The following FAM13A variants were observed in gnomAD, a reference collection of about 807,000 sequenced individuals.
FAM13A encodes family with sequence similarity 13 member A.
A neutral mutation model predicts 129.6 loss-of-function variants in FAM13A; 76 were observed. The observed-to-expected ratio is 0.59, with a 90% CI of 0.49 to 0.71. The LOEUF (loss-of-function observed/expected upper bound fraction) is 0.71, where lower values mean the gene tolerates loss of function less well. FAM13A is among the 30% of genes least tolerant of loss of function. FAM13A has a pLI of 0.00. For missense variants in FAM13A, 1,108 were observed against 1,249.3 expected (o/e 0.89, Z 1.70); for synonymous variants, 443 against 449.9 (o/e 0.98, Z 0.20).
At chr4:89,049,998 T>A (rs745348151) in intron 1 of FAM13A, among the ~76,000 whole-genome samples, 4 of 152,196 alleles carry the variant, frequency 2.6e-5, no homozygotes, top group Admixed American at 1.3e-4. Context: ...TAAGATACGA[T>A]CTTTTCTGTC....
intron 6 of FAM13A, among the ~76,000 whole-genome samples, chr4:88,852,276 C>T (rs1187452945): frequency 3.3e-5 from 5 of 151,996 alleles, no homozygotes; most frequent in African/African-American, 1.2e-4. Flanking sequence ...ATTCTCCTTC[C>T]TCAGCCTCCT....
chr4:88,809,792 G>C (rs1729289692), intron 7 of FAM13A, among the ~76,000 whole-genome samples: 1 of 151,576 alleles, frequency 6.6e-6, no homozygotes, highest in Non-Finnish European at 1.5e-5. Context: ...GAGGTACGTG[G>C]CAGCCACTGT....
chr4:89,026,016 A>G (rs1418206908), intron 2 of FAM13A, among the ~76,000 whole-genome samples: 1 of 152,212 alleles, frequency 6.6e-6, no homozygotes, highest in African/African-American at 2.4e-5. Flanking sequence ...TTACACAATA[A>G]AAGTATGATC....
In FAM13A at chr4:88,750,551, G is replaced by T. The variant is rs796450011; in HGVS notation, c.1813C>A (p.Arg605Ser). 1.2e-6 allele frequency: 2 copies of T among 1,614,162 alleles called. No homozygotes were observed. The highest frequency in any genetic ancestry group is 2.7e-5 in the African/African-American group (2 of 75,050). ...TCGCTGTCTTCGTCCAGCAGCTGAC[G>T]GATCAGGCGCCCAGCCTGCGGCGAG... ...HLSPQAGRLIRQLLDEDSDPM... is the reference protein window; with the variant it reads ...HLSPQAGRLISQLLDEDSDPM... The change falls in exon 15 of 24, where the codon CGT becomes AGT. Residue 605 changes from arginine to serine, a missense_variant. Arg to Ser is a moderately radical substitution (Grantham distance 110). Coordinates refer to ENST00000264344, the MANE Select transcript of FAM13A (RefSeq NM_014883.4).
Position 88,750,447 on chromosome 4 carries a change from T to G in FAM13A, c.1917A>C (p.Pro639=). The change falls in exon 15 of 24, where the codon CCA becomes CCC. Residue 639 remains proline (P), a synonymous_variant. Coordinates refer to ENST00000264344, the MANE Select transcript of FAM13A (RefSeq NM_014883.4). ...YLDDTEVPPS[P]PNSHSFMRRR... ...ACCTCATGAAAGAATGGGAGTTTGGTGGGGAAGGAGGCACTTCTGTGTCAT... is the reference window on the plus strand; with the variant it reads ...ACCTCATGAAAGAATGGGAGTTTGGGGGGGAAGGAGGCACTTCTGTGTCAT... 2 of 1,613,966 alleles carry G rather than the reference T, an allele frequency of 1.2e-6. No homozygotes were observed. The highest frequency in any genetic ancestry group is 1.6e-4 in the Middle Eastern group (1 of 6,062).
In FAM13A at chr4:88,851,093, G is replaced by A. The variant is rs749465683; in HGVS notation, c.934C>T (p.Leu312=). The change falls in exon 7 of 24, where the codon CTA becomes TTA. Residue 312 remains leucine (L), a synonymous_variant. Transcript: ENST00000264344. ...TCCAAGCAGGCTTTTCTATAACTTA[G>A]CCGCAAGCTGAGCTGAGGAATGCCA... is the stretch of plus-strand genomic sequence containing the variant. ...SDGIPQLSLR[L]SYRKACLEDM... The A allele has an allele frequency of 3.1e-6, 5 of 1,613,852 alleles. No individual in the cohort carries two copies. Among genetic ancestry groups the A allele is most frequent in the Middle Eastern group, 1.7e-4 (1 of 6,054 alleles).
intron 4 of FAM13A, among the ~76,000 whole-genome samples, chr4:88,944,230 T>C (rs761982847): frequency 1.3e-5 from 2 of 152,192 alleles, no homozygotes; most frequent in African/African-American, 2.4e-5. Flanking sequence ...CATGCGCCTA[T>C]GGTTCCAGCT....
At chr4:89,052,470 C>T (rs28379646) in intron 1 of FAM13A, among the ~76,000 whole-genome samples, 38,570 of 113,882 alleles carry the variant, frequency 0.34, 6,479 homozygotes, top group Middle Eastern at 0.53. Flanking sequence ...TCCCCCCACC[C>T]CCTGGGTAGC....
intron 18 of FAM13A, 96 bp downstream of exon 18, chr4:88,747,535 C>A: frequency 2.0e-6 from 2 of 992,480 alleles, no homozygotes; most frequent in South Asian, 1.4e-5. Context: ...CTTAACAAGG[C>A]ATCATCTTCC....
intron 8 of FAM13A, among the ~76,000 whole-genome samples, chr4:88,800,029 T>C (rs1727097822): frequency 6.6e-6 from 1 of 152,154 alleles, no homozygotes; most frequent in African/African-American, 2.4e-5. Flanking sequence ...TGAGGTATGC[T>C]AAGTAAAATA....
chr4:88,774,787 C>A (rs1560956571), intron 11 of FAM13A, among the ~76,000 whole-genome samples: 1 of 151,938 alleles, frequency 6.6e-6, no homozygotes, highest in African/African-American at 2.4e-5. Context: ...AAATTTGACA[C>A]ATGATTGAAA....
At chr4:88,993,339 G>C (rs1763152996) in intron 3 of FAM13A, among the ~76,000 whole-genome samples, 1 of 152,168 alleles carries the variant, frequency 6.6e-6, no homozygotes, top group African/African-American at 2.4e-5. Context: ...CTAATTCAAA[G>C]TGAGTCTATG....
In FAM13A at chr4:88,933,094, T is replaced by C. The variant is rs1382410244; in HGVS notation, c.759+4994A>G. Among the ~76,000 whole-genome samples, 4 of 152,278 alleles carry C rather than the reference T, an allele frequency of 2.6e-5. No individual in the cohort carries two copies. The East Asian group carries it at 7.7e-4, about 29-fold the overall frequency. Reference sequence around the variant, plus strand: ...AAAAATATGGTATATGAATGACATATATATGCTCTGAAGACAACTTTAAAA... The same window carrying C: ...AAAAATATGGTATATGAATGACATACATATGCTCTGAAGACAACTTTAAAA... On this transcript the variant is annotated intron_variant, in intron 5 of 23. Coordinates refer to ENST00000264344, the MANE Select transcript of FAM13A (RefSeq NM_014883.4).
intron 3 of FAM13A, among the ~76,000 whole-genome samples, chr4:88,994,669 G>A (rs1020538455): frequency 5.3e-5 from 8 of 151,932 alleles, no homozygotes; most frequent in Non-Finnish European, 1.0e-4. Context: ...GCGAAACCTC[G>A]TCTCTACAAA....
intron 6 of FAM13A, among the ~76,000 whole-genome samples, chr4:88,899,916 C>A (rs1364224487): frequency 1.3e-5 from 2 of 152,042 alleles, no homozygotes; most frequent in Non-Finnish European, 2.9e-5. Context: ...ATAGCCAGAA[C>A]AGCCAGTTTA....
chr4:89,026,872 T>A (rs1768032703), intron 2 of FAM13A, among the ~76,000 whole-genome samples: 1 of 152,158 alleles, frequency 6.6e-6, no homozygotes, highest in Non-Finnish European at 1.5e-5. Flanking sequence ...TCAATTAACA[T>A]CTAACCATCA....
intron 19 of FAM13A, among the ~76,000 whole-genome samples, chr4:88,745,914 A>T (rs72870517): frequency 0.16 from 23,577 of 151,562 alleles, 2,201 homozygotes; most frequent in South Asian, 0.32. Context: ...CCAAGGAGAC[A>T]TTCTACAGAT....
At chr4:89,051,357 G>A (rs572747343) in intron 1 of FAM13A, among the ~76,000 whole-genome samples, 10 of 152,084 alleles carry the variant, frequency 6.6e-5, no homozygotes, top group Non-Finnish European at 1.3e-4. Context: ...CCATTCATGA[G>A]GGCATCACAT....
chr4:88,734,058 A>G (rs1738451633), intron 21 of FAM13A, among the ~76,000 whole-genome samples: 2 of 152,390 alleles, frequency 1.3e-5, no homozygotes, highest in Middle Eastern at 6.8e-3. Flanking sequence ...AGTGTTGTAG[A>G]TACTGGGTAG....
Sources: gnomAD v4.1 joint callset for allele counts (sites outside exome capture counted in the v4.1 genomes callset) on GRCh38, gnomAD v4.1.1 for gene constraint, MANE v1.5 for transcripts, NCBI Gene and HGNC (gene_info 2026-07-23, HGNC 2026-07-21) for gene names.